The following KHDRBS2 variants were observed in gnomAD, a reference collection of about 807,000 sequenced individuals.
KHDRBS2 encodes the protein KH RNA binding domain containing, signal transduction associated 2.
KHDRBS2 carries 26 observed loss-of-function variants against 44.3 expected under a neutral mutation model. The observed-to-expected ratio is 0.59, with a 90% CI of 0.43 to 0.81. The LOEUF is 0.81. Among genes scored for constraint, KHDRBS2 ranks in the 40% least tolerant of loss-of-function variants. The pLI is 0.00. For missense variants in KHDRBS2, 476 were observed against 433.1 expected (o/e 1.10, Z -0.88); for synonymous variants, 194 against 151.1 (o/e 1.28, Z -2.08).
chr6:62,059,826 G>A (rs1279179930), intron 2 of KHDRBS2, among the ~76,000 whole-genome samples: 1 of 151,466 alleles, frequency 6.6e-6, no homozygotes, highest in Non-Finnish European at 1.5e-5. Context: ...CGTATATTCA[G>A]AAGAAAAAAT....
chr6:61,887,101 CAGAT>C (rs10551462), intron 6 of KHDRBS2, among the ~76,000 whole-genome samples: 55,305 of 151,496 alleles, frequency 0.37, 10,535 homozygotes, highest in African/African-American at 0.48. Flanking sequence ...CACAATGTAT[CAGAT>C]AGAGAATTTG....
intron 6 of KHDRBS2, among the ~76,000 whole-genome samples, chr6:61,848,230 T>C (rs1174157823): frequency 2.0e-5 from 3 of 151,644 alleles, no homozygotes; most frequent in African/African-American, 7.2e-5. Context: ...TTAATTCTGA[T>C]GCAGGTAGCC....
intron 1 of KHDRBS2, among the ~76,000 whole-genome samples, chr6:62,208,165 T>A (rs1170352790): frequency 6.6e-6 from 1 of 152,186 alleles, no homozygotes; most frequent in African/African-American, 2.4e-5. Context: ...TTATTTCACT[T>A]AGCATGATGT....
intron 4 of KHDRBS2, among the ~76,000 whole-genome samples, chr6:61,923,954 A>G (rs1400061128): frequency 6.6e-6 from 1 of 152,138 alleles, no homozygotes; most frequent in East Asian, 1.9e-4. Context: ...TAAATTCATC[A>G]ATGAAAAATA....
intron 7 of KHDRBS2, among the ~76,000 whole-genome samples, chr6:61,707,551 T>C (rs1212092670): frequency 6.6e-6 from 1 of 151,818 alleles, no homozygotes; most frequent in Non-Finnish European, 1.5e-5. Context: ...TTTAGTTAAA[T>C]GCAAAATTAC....
At chr6:61,589,212 G>A in the KHDRBS2 span, among the ~76,000 whole-genome samples, 2 of 152,262 alleles carry the variant, frequency 1.3e-5, no homozygotes, top group Middle Eastern at 3.4e-3. Context: ...TGCATGTTCA[G>A]CACATATATC....
chr6:61,779,471 T>C (rs950057949), intron 6 of KHDRBS2, among the ~76,000 whole-genome samples: 2 of 152,008 alleles, frequency 1.3e-5, no homozygotes, highest in East Asian at 1.9e-4. Flanking sequence ...TTAATTAACA[T>C]CACAAGAAGA....
intron 3 of KHDRBS2, among the ~76,000 whole-genome samples, chr6:61,985,517 A>G (rs1048448858): frequency 6.6e-5 from 10 of 152,122 alleles, no homozygotes; most frequent in African/African-American, 2.4e-4. Flanking sequence ...AAGAGGAGGT[A>G]ACCCAAGAGG....
At chr6:62,048,121 T>A in intron 2 of KHDRBS2, 127 bp from the exon 3 acceptor site, 2 of 404,320 alleles carry the variant, frequency 4.9e-6, no homozygotes, top group Non-Finnish European at 4.6e-6. Context: ...GCCATAAACA[T>A]ACACACACAC....
intron 4 of KHDRBS2, among the ~76,000 whole-genome samples, chr6:61,916,965 A>ATTTT (rs10700035): frequency 0.067 from 6,022 of 90,010 alleles, 273 homozygotes; most frequent in Middle Eastern, 0.12. Flanking sequence ...GGAACTCTGT[A>ATTTT]TTTTTTTTTT....
chr6:61,984,842 C>T (rs1381926123), intron 3 of KHDRBS2, among the ~76,000 whole-genome samples: 4 of 152,130 alleles, frequency 2.6e-5, no homozygotes, highest in Non-Finnish European at 5.9e-5. Context: ...ATTAAATATG[C>T]ATATTCAGTT....
intron 6 of KHDRBS2, among the ~76,000 whole-genome samples, chr6:61,781,886 T>C (rs1468917853): frequency 6.6e-6 from 1 of 152,180 alleles, no homozygotes; most frequent in East Asian, 1.9e-4. Context: ...AGAAATGAAT[T>C]GTGTCTAGGG....
chr6:61,667,529 A>G, the KHDRBS2 span, among the ~76,000 whole-genome samples: 5 of 151,294 alleles, frequency 3.3e-5, no homozygotes, highest in Non-Finnish European at 5.9e-5. Flanking sequence ...ACCAGTTAAG[A>G]AAAAAACCAT....
At chr6:62,018,538 G>C (rs1781672251) in intron 3 of KHDRBS2, among the ~76,000 whole-genome samples, 1 of 151,970 alleles carries the variant, frequency 6.6e-6, no homozygotes, top group African/African-American at 2.4e-5. Context: ...AGTAGAGACG[G>C]GGTTTCACCG....
chr6:61,553,908 T>G, the KHDRBS2 span, among the ~76,000 whole-genome samples: 4 of 152,142 alleles, frequency 2.6e-5, no homozygotes, highest in South Asian at 4.1e-4. Context: ...TTGGAGATTG[T>G]TTTATTTCCA....
At chr6:62,014,119 G>A (rs772752133) in intron 3 of KHDRBS2, among the ~76,000 whole-genome samples, 44 of 152,202 alleles carry the variant, frequency 2.9e-4, no homozygotes, top group Middle Eastern at 3.4e-3. Flanking sequence ...TAAATGTGTG[G>A]TGTATGTACT....
the KHDRBS2 span, among the ~76,000 whole-genome samples, chr6:61,557,830 C>T: frequency 6.6e-6 from 1 of 152,090 alleles, no homozygotes; most frequent in South Asian, 2.1e-4. Context: ...TGTCATTGGT[C>T]TGTTGAGGTT....
chr6:61,918,183 C>A (rs1333803455), intron 4 of KHDRBS2, among the ~76,000 whole-genome samples: 4 of 151,852 alleles, frequency 2.6e-5, no homozygotes, highest in Admixed American at 1.3e-4. Context: ...CATCTTTATA[C>A]CATTTAAGTT....
downstream of KHDRBS2, among the ~76,000 whole-genome samples, chr6:61,675,128 G>T (rs896366859): frequency 3.2e-4 from 48 of 151,414 alleles, no homozygotes; most frequent in Non-Finnish European, 1.3e-4. Flanking sequence ...TCAAACACTT[G>T]GTCTTATTTC....
Sources: allele counts gnomAD v4.1 joint callset (sites outside exome capture counted in the v4.1 genomes callset), GRCh38; gene constraint gnomAD v4.1.1; transcripts MANE v1.5; gene names NCBI Gene and HGNC (gene_info 2026-07-23, HGNC 2026-07-21).